KCNJ6: variants seen among roughly 807,000 people sequenced by gnomAD.
KCNJ6 encodes G protein-activated inward rectifier potassium channel 2.
In KCNJ6, 9 loss-of-function variants were observed where a neutral mutation model predicts 34.2. The observed-to-expected ratio is 0.26, with a 90% CI of 0.16 to 0.46. The LOEUF is 0.46. Among genes scored for constraint, KCNJ6 ranks in the 20% least tolerant of loss-of-function variants. The pLI, the probability that KCNJ6 is intolerant of heterozygous loss-of-function variation, is 1.00. For missense variants in KCNJ6, 236 were observed against 531.3 expected (o/e 0.44, Z 5.46); for synonymous variants, 196 against 207.1 (o/e 0.95, Z 0.46).
rs200375766 is a variant in KCNJ6 at position 37,887,548 on chromosome 21, T to C, written c.-28+28336A>G. On this transcript the variant is annotated intron_variant, in intron 1 of 3. Coordinates refer to ENST00000609713, the MANE Select transcript of KCNJ6 (RefSeq NM_002240.5). Reference sequence around the variant, plus strand: ...AAAGCCAGAAATAACAGCTGTGTATTCTAGCTGTAACCTAAATCTCAGGAA... The same window carrying C: ...AAAGCCAGAAATAACAGCTGTGTATCCTAGCTGTAACCTAAATCTCAGGAA... 3.9e-5 allele frequency among the ~76,000 whole-genome samples: 6 copies of C among 152,314 alleles called. No homozygotes were observed. The East Asian group carries it at 5.8e-4, about 15-fold the overall frequency.
In KCNJ6 at chr21:37,723,791, T is replaced by A. The variant is rs79747216; in HGVS notation, c.26-8660A>T. Among the ~76,000 whole-genome samples the A allele has an allele frequency of 7.7e-3, 1,168 of 152,078 alleles. 18 individuals are homozygous for A. The highest frequency in any genetic ancestry group is 0.027 in the African/African-American group (1,105 of 41,442). ...GGAGAAGGAGGGACGGGCTCAAGGGTTGAAAACCTATTGGTACTACGTTCA... is the reference window on the plus strand; with the variant it reads ...GGAGAAGGAGGGACGGGCTCAAGGGATGAAAACCTATTGGTACTACGTTCA... On this transcript the variant is annotated intron_variant, in intron 2 of 3. Coordinates refer to ENST00000609713, the MANE Select transcript of KCNJ6 (RefSeq NM_002240.5).
intron 1 of KCNJ6, among the ~76,000 whole-genome samples, chr21:37,894,643 G>T (rs8132047): frequency 6.6e-6 from 1 of 151,966 alleles, no homozygotes; most frequent in Non-Finnish European, 1.5e-5. Context: ...CAGCCTGGGC[G>T]ACAGTGAGAT....
chr21:37,687,103 G>A lies in KCNJ6; in HGVS notation c.946+27108C>T, dbSNP rs1302434118. On this transcript the variant is annotated intron_variant, in intron 3 of 3. Coordinates refer to ENST00000609713, the MANE Select transcript of KCNJ6 (RefSeq NM_002240.5). ...ATCACTCCCAGCACTTGATCCAAAG[G>A]CCCCAGGCCCTTGGAGGCATTTCAG... Among the ~76,000 whole-genome samples, 4 of 152,216 alleles carry A rather than the reference G, an allele frequency of 2.6e-5. No individual in the cohort carries two copies. The South Asian group carries it at 8.3e-4, about 32-fold the overall frequency.
intron 1 of KCNJ6, among the ~76,000 whole-genome samples, chr21:37,865,059 T>C (rs1052475132): frequency 3.3e-4 from 50 of 152,164 alleles, no homozygotes; most frequent in African/African-American, 1.2e-3. Context: ...GGTTTCCTTA[T>C]CTTCACTATT....
intron 3 of KCNJ6, among the ~76,000 whole-genome samples, chr21:37,691,250 C>T (rs1352035443): frequency 1.3e-5 from 2 of 152,190 alleles, no homozygotes; most frequent in African/African-American, 4.8e-5. Context: ...TTTCCTGGCA[C>T]CCCTAGGCTC....
chr21:37,914,525 G>T lies in KCNJ6; in HGVS notation c.-28+1359C>A, dbSNP rs149392102. ...ACCGATGCCCTGGGACCCGCCACAGGGCACGCGGCTGGCGTATTCCTTTGC... is the reference window on the plus strand; with the variant it reads ...ACCGATGCCCTGGGACCCGCCACAGTGCACGCGGCTGGCGTATTCCTTTGC... On this transcript the variant is annotated intron_variant, in intron 1 of 3. Transcript: ENST00000609713. Among the ~76,000 whole-genome samples the T allele has an allele frequency of 8.1e-3, 1,236 of 152,332 alleles. 14 individuals carry two copies. Among genetic ancestry groups the T allele is most frequent in the Non-Finnish European group, 0.012 (824 of 68,024 alleles).
At chr21:37,863,418 A>T (rs563348697) in intron 1 of KCNJ6, among the ~76,000 whole-genome samples, 2 of 152,262 alleles carry the variant, frequency 1.3e-5, no homozygotes, top group Admixed American at 1.3e-4. Flanking sequence ...ATTTATTGCA[A>T]ATCTGATTTA....
intron 2 of KCNJ6, among the ~76,000 whole-genome samples, chr21:37,826,679 C>T (rs1445401044): frequency 6.6e-6 from 1 of 151,814 alleles, no homozygotes; most frequent in Non-Finnish European, 1.5e-5. Context: ...CTGATGAATG[C>T]AACTCTCGAT....
chr21:37,664,242 AAAAG>A (rs2054503596), intron 3 of KCNJ6, among the ~76,000 whole-genome samples: 1 of 152,166 alleles, frequency 6.6e-6, no homozygotes. Flanking sequence ...ACATTAGAAA[AAAAG>A]AAGAAAGAAA....
chr21:37,846,270 T>G (rs1214865271), intron 1 of KCNJ6, among the ~76,000 whole-genome samples: 1 of 152,148 alleles, frequency 6.6e-6, no homozygotes, highest in Admixed American at 6.5e-5. Context: ...TACTTCTCTT[T>G]GAGTGTCTAA....
chr21:37,667,882 C>T (rs1017408635), intron 3 of KCNJ6, among the ~76,000 whole-genome samples: 7 of 150,406 alleles, frequency 4.7e-5, no homozygotes, highest in South Asian at 2.1e-4. Context: ...GAGCCTACCT[C>T]GACTCTGGGC....
intron 3 of KCNJ6, among the ~76,000 whole-genome samples, chr21:37,686,747 G>A (rs983100454): frequency 4.6e-5 from 7 of 152,092 alleles, no homozygotes; most frequent in East Asian, 1.9e-4. Flanking sequence ...GATTACAGGC[G>A]TGAGCCACCG....
intron 2 of KCNJ6, among the ~76,000 whole-genome samples, chr21:37,808,610 T>C (rs2055305483): frequency 6.6e-6 from 1 of 152,250 alleles, no homozygotes; most frequent in Admixed American, 6.5e-5. Context: ...CTTTAGGCCC[T>C]AGATATCTAA....
intron 1 of KCNJ6, among the ~76,000 whole-genome samples, chr21:37,913,764 G>A (rs2055878549): frequency 6.6e-6 from 1 of 152,134 alleles, no homozygotes; most frequent in African/African-American, 2.4e-5. Context: ...GTTGCAGTGA[G>A]CCGAGATCGA....
intron 2 of KCNJ6, among the ~76,000 whole-genome samples, chr21:37,767,172 T>C (rs928935722): frequency 6.6e-5 from 10 of 152,304 alleles, no homozygotes; most frequent in African/African-American, 2.4e-4. Flanking sequence ...TTGTTCTGTG[T>C]CCCATTATCT....
intron 1 of KCNJ6, among the ~76,000 whole-genome samples, chr21:37,853,861 T>TATATATATATATATATATATATATATAA (rs940498600): frequency 3.4e-5 from 5 of 146,724 alleles, no homozygotes; most frequent in African/African-American, 7.4e-5. Context: ...TATATATATA[T>TATATATATATATATATATATATATATAA]AAATTACATT....
chr21:37,862,793 C>T (rs1475951930), intron 1 of KCNJ6, among the ~76,000 whole-genome samples: 1 of 152,200 alleles, frequency 6.6e-6, no homozygotes, highest in Non-Finnish European at 1.5e-5. Flanking sequence ...GTCCCCTCAA[C>T]AGCCAGGGGA....
intron 3 of KCNJ6, among the ~76,000 whole-genome samples, chr21:37,709,518 A>AAAAG (rs2054739317): frequency 1.4e-5 from 2 of 145,680 alleles, no homozygotes; most frequent in African/African-American, 5.0e-5. Context: ...CTGTCTCAAA[A>AAAAG]AAAAGAAAAG....
intron 2 of KCNJ6, among the ~76,000 whole-genome samples, chr21:37,768,381 C>T (rs772607432): frequency 1.7e-4 from 26 of 152,128 alleles, no homozygotes; most frequent in Admixed American, 8.5e-4. Flanking sequence ...AAGCTCCTTC[C>T]GGAGTTGCTG....
Sources: gnomAD v4.1 joint callset for allele counts (sites outside exome capture counted in the v4.1 genomes callset) on GRCh38, gnomAD v4.1.1 for gene constraint, MANE v1.5 for transcripts, NCBI Gene and HGNC (gene_info 2026-07-23, HGNC 2026-07-21) for gene names.